NRXN1: variants seen among roughly 807,000 people sequenced by gnomAD.
NRXN1 encodes the protein neurexin 1, also known as neurexin-1.
In NRXN1, 39 loss-of-function variants were observed where a neutral mutation model predicts 150.9. That is an observed-to-expected ratio of 0.26 (90% CI 0.20 to 0.34). The LOEUF (loss-of-function observed/expected upper bound fraction) is 0.34. Among genes scored for constraint, NRXN1 ranks in the 10% least tolerant of loss-of-function variants. The pLI is 1.00. For missense variants in NRXN1, 1,815 were observed against 1,949.9 expected (o/e 0.93, Z 1.30); for synonymous variants, 924 against 757.0 (o/e 1.22, Z -3.62).
chr2:50,125,826 A>G (rs1275123270), intron 18 of NRXN1, among the ~76,000 whole-genome samples: 1 of 152,036 alleles, frequency 6.6e-6, no homozygotes, highest in Non-Finnish European at 1.5e-5. Context: ...ATATGAGAGA[A>G]CCTGCATATT....
At chr2:50,450,137 CTT>C (rs1273149768) in intron 17 of NRXN1, among the ~76,000 whole-genome samples, 2 of 152,136 alleles carry the variant, frequency 1.3e-5, no homozygotes, top group African/African-American at 4.8e-5. Flanking sequence ...TCTGTGATCA[CTT>C]TATATATAAA....
chr2:51,001,237 G>A (rs36096736), intron 2 of NRXN1, among the ~76,000 whole-genome samples: 1 of 112,094 alleles, frequency 8.9e-6, no homozygotes, highest in Non-Finnish European at 1.8e-5. Flanking sequence ...ATGGGGTTGG[G>A]GGGGGGGGGC....
At position 50,369,680 on chromosome 2, in the gene NRXN1, C is replaced by A. The variant is rs574941779; in HGVS notation, c.3364+95762G>T. Among the ~76,000 whole-genome samples the A allele has an allele frequency of 1.2e-4, 19 of 152,078 alleles. 1 individual carries two copies. The South Asian group carries it at 3.9e-3, about 31-fold the overall frequency. Reference sequence around the variant, plus strand: ...GTCTGAAACACCTACATATCTGAAGCTAACGGGCATCTTTATAGTAAGTGA... The same window carrying A: ...GTCTGAAACACCTACATATCTGAAGATAACGGGCATCTTTATAGTAAGTGA... On this transcript the variant is annotated intron_variant, in intron 17 of 22. Coordinates refer to ENST00000401669, the MANE Select transcript of NRXN1 (RefSeq NM_001330078.2).
At chr2:50,268,200 T>C (rs954665181) in intron 17 of NRXN1, among the ~76,000 whole-genome samples, 6 of 151,856 alleles carry the variant, frequency 4.0e-5, no homozygotes, top group Non-Finnish European at 8.8e-5. Flanking sequence ...AATAATAAAA[T>C]AAAAATAAAA....
chr2:50,144,181 A>G (rs1376548201), intron 18 of NRXN1, among the ~76,000 whole-genome samples: 1 of 151,874 alleles, frequency 6.6e-6, no homozygotes, highest in Admixed American at 6.6e-5. Context: ...TTGGGATCCA[A>G]AAAATACCTT....
chr2:50,110,491 C>CAAAAAAAA (rs5831088), intron 18 of NRXN1, among the ~76,000 whole-genome samples: 83 of 85,454 alleles, frequency 9.7e-4, no homozygotes, highest in East Asian at 1.3e-3. Context: ...GACTCTGTCT[C>CAAAAAAAA]AAAAAAAAAA....
chr2:50,622,939 T>C (rs1430559079), intron 6 of NRXN1, among the ~76,000 whole-genome samples: 1 of 152,140 alleles, frequency 6.6e-6, no homozygotes, highest in Non-Finnish European at 1.5e-5. Flanking sequence ...AAAAAGGAAC[T>C]GTGACTTAAT....
chr2:49,956,025 C>T (rs1024163710), intron 21 of NRXN1, among the ~76,000 whole-genome samples: 2 of 152,116 alleles, frequency 1.3e-5, no homozygotes, highest in Non-Finnish European at 2.9e-5. Flanking sequence ...TTGGAGAAGG[C>T]ATCTATCATT....
chr2:50,321,415 G>T (rs2076030079), intron 17 of NRXN1, among the ~76,000 whole-genome samples: 1 of 152,102 alleles, frequency 6.6e-6, no homozygotes, highest in Non-Finnish European at 1.5e-5. Flanking sequence ...GAAATAAACT[G>T]CAGTTCGTGT....
At chr2:50,856,249 A>T (rs1675258740) in intron 5 of NRXN1, among the ~76,000 whole-genome samples, 1 of 151,990 alleles carries the variant, frequency 6.6e-6, no homozygotes, top group South Asian at 2.1e-4. Flanking sequence ...TTTAGAGTCA[A>T]CTATGGATGA....
intron 5 of NRXN1, among the ~76,000 whole-genome samples, chr2:50,687,495 C>T (rs1410589701): frequency 6.6e-6 from 1 of 152,124 alleles, no homozygotes; most frequent in Non-Finnish European, 1.5e-5. Context: ...TTTCAGCTGT[C>T]ACTTTGGCTG....
chr2:51,011,997 A>G (rs938136900), intron 2 of NRXN1, among the ~76,000 whole-genome samples: 5 of 152,122 alleles, frequency 3.3e-5, no homozygotes, highest in South Asian at 2.1e-4. Context: ...TCTTTCTACA[A>G]CTAGTCACAC....
chr2:51,015,344 A>C (rs917317219), intron 2 of NRXN1, among the ~76,000 whole-genome samples: 4 of 151,394 alleles, frequency 2.6e-5, no homozygotes, highest in African/African-American at 9.7e-5. Context: ...TCCATCCTCC[A>C]CCTCCTATGG....
chr2:50,229,768 T>C (rs1352056388), intron 18 of NRXN1, among the ~76,000 whole-genome samples: 1 of 152,100 alleles, frequency 6.6e-6, no homozygotes, highest in East Asian at 1.9e-4. Context: ...TTATAGGTGA[T>C]CAAAAATAAT....
chr2:50,285,782 G>C (rs922749674), intron 17 of NRXN1, among the ~76,000 whole-genome samples: 1 of 151,518 alleles, frequency 6.6e-6, no homozygotes, highest in African/African-American at 2.4e-5. Flanking sequence ...TCAACTTTAC[G>C]AAATGATCTT....
intron 17 of NRXN1, among the ~76,000 whole-genome samples, chr2:50,259,993 C>T (rs1328489277): frequency 6.6e-6 from 1 of 151,732 alleles, no homozygotes; most frequent in Admixed American, 6.6e-5. Flanking sequence ...ATCTGCACTT[C>T]TTGTACCTTT....
At position 50,251,824 on chromosome 2, in the gene NRXN1, T is replaced by A. The variant is rs150741240; in HGVS notation, c.3365-14854A>T. 3.2e-3 allele frequency among the ~76,000 whole-genome samples: 492 copies of A among 152,338 alleles called. 4 individuals are homozygous for A. The highest frequency in any genetic ancestry group is 0.011 in the African/African-American group (467 of 41,586). ...TTCATATGATTGTTGGCAGCATAAA[T>A]GTTTTCTTTTGACAAATGTCTGTTA... On this transcript the variant is annotated intron_variant, in intron 17 of 22. Transcript: ENST00000401669.
chr2:50,357,698 A>C (rs2078918413), intron 17 of NRXN1, among the ~76,000 whole-genome samples: 1 of 152,164 alleles, frequency 6.6e-6, no homozygotes, highest in Non-Finnish European at 1.5e-5. Flanking sequence ...TGCATTAATA[A>C]AATTTATAAG....
At chr2:49,994,798 T>C (rs971874039) in intron 21 of NRXN1, among the ~76,000 whole-genome samples, 28 of 152,374 alleles carry the variant, frequency 1.8e-4, no homozygotes, top group African/African-American at 6.7e-4. Flanking sequence ...TTCTGCTTTT[T>C]GTAAGGCAAA....
Sources: allele counts gnomAD v4.1 joint callset (sites outside exome capture counted in the v4.1 genomes callset), GRCh38; gene constraint gnomAD v4.1.1; transcripts MANE v1.5; gene names NCBI Gene and HGNC (gene_info 2026-07-23, HGNC 2026-07-21).